THSD7B: variants seen among roughly 807,000 people sequenced by gnomAD.
THSD7B encodes the protein thrombospondin type 1 domain containing 7B.
Under a neutral mutation model 213.6 loss-of-function variants are expected in THSD7B, and 138 were observed. The ratio of observed to expected loss-of-function variants is 0.65; its 90% CI spans 0.56 to 0.74. THSD7B has a LOEUF of 0.74. THSD7B is among the 30% of genes least tolerant of loss of function. THSD7B has a pLI of 0.00. For synonymous variants in THSD7B, 742 were observed against 687.0 expected, an observed-to-expected ratio of 1.08 and a Z score of -1.25; for missense variants, 1,931 against 1,991.5, an observed-to-expected ratio of 0.97 and a Z score of 0.58.
intron 14 of THSD7B, among the ~76,000 whole-genome samples, chr2:137,418,662 G>C (rs1026287579): frequency 6.6e-6 from 1 of 151,860 alleles, no homozygotes; most frequent in Non-Finnish European, 1.5e-5. Context: ...GTATATATTT[G>C]TACCCGTTAA....
intron 12 of THSD7B, among the ~76,000 whole-genome samples, chr2:137,342,498 T>C (rs901268479): frequency 1.2e-4 from 18 of 151,822 alleles, no homozygotes; most frequent in African/African-American, 4.1e-4. Context: ...GTCGATGCCT[T>C]TTATTTATTT....
intron 1 of THSD7B, among the ~76,000 whole-genome samples, chr2:136,815,834 A>G (rs6713261): frequency 0.67 from 101,714 of 151,570 alleles, 34,415 homozygotes; most frequent in East Asian, 0.9. Context: ...TGAAAGTGAG[A>G]ATCTTCTTCC....
Position 137,548,699 on chromosome 2 carries a change from G to C in THSD7B, c.3139-14522G>C, listed in dbSNP as rs573606431. ...GAATTACATTTCAGTTAGTTTGCTTGATTGATTAACAAATCTCCCTTTCAA... is the reference window on the plus strand; with the variant it reads ...GAATTACATTTCAGTTAGTTTGCTTCATTGATTAACAAATCTCCCTTTCAA... On this transcript the variant is annotated intron_variant, in intron 15 of 27. Coordinates refer to ENST00000409968, the MANE Select transcript of THSD7B (RefSeq NM_001316349.2). Among the ~76,000 whole-genome samples the C allele has an allele frequency of 1.2e-4, 19 of 152,074 alleles. 1 individual carries two copies. Among genetic ancestry groups the C allele is most frequent in the African/African-American group, 4.6e-4 (19 of 41,538 alleles).
chr2:137,076,289 G>T (rs956696732), intron 3 of THSD7B, among the ~76,000 whole-genome samples: 8 of 152,242 alleles, frequency 5.3e-5, no homozygotes, highest in Non-Finnish European at 8.8e-5. Context: ...TTCGACAATG[G>T]CGGGCGCCCC....
intron 27 of THSD7B, among the ~76,000 whole-genome samples, chr2:137,670,741 G>T (rs1683546673): frequency 1.3e-5 from 2 of 151,972 alleles, no homozygotes; most frequent in Non-Finnish European, 2.9e-5. Flanking sequence ...CTAACACAGT[G>T]AAACCCCGTC....
chr2:137,567,886 T>C (rs193265726), intron 16 of THSD7B, among the ~76,000 whole-genome samples: 3 of 152,288 alleles, frequency 2.0e-5, no homozygotes, highest in Admixed American at 1.3e-4. Flanking sequence ...CATTAGCTTA[T>C]AAATTTAGTA....
At chr2:137,627,216 C>G (rs893074491) in intron 20 of THSD7B, among the ~76,000 whole-genome samples, 3 of 152,180 alleles carry the variant, frequency 2.0e-5, no homozygotes, top group Admixed American at 2.0e-4. Flanking sequence ...TCACTCTCCC[C>G]CAAGGGAGGG....
intron 2 of THSD7B, among the ~76,000 whole-genome samples, chr2:136,953,017 GA>G (rs979941437): frequency 5.3e-5 from 8 of 152,068 alleles, no homozygotes; most frequent in African/African-American, 1.4e-4. Flanking sequence ...AATTTCTCAG[GA>G]AAAAAATGAA....
rs1558840330 is a variant in THSD7B, at chr2:136,890,492, CCTTT to C, written c.139+8179_139+8182del. ...CTTCTCCTTTCTTCTCCTTTCTTCT[CCTTT>C]CTTCTCCTTTCTTCTTCTTCTTTCT... is the stretch of plus-strand genomic sequence containing the variant. On this transcript the variant is annotated intron_variant, in intron 2 of 27. Coordinates refer to ENST00000409968, the MANE Select transcript of THSD7B (RefSeq NM_001316349.2). 2.3e-3 allele frequency among the ~76,000 whole-genome samples: 2 copies of C among 878 alleles called. 1 individual carries two copies. The highest frequency in any genetic ancestry group is 2.9e-3 in the African/African-American group (2 of 678). 0.6% of individuals were successfully genotyped at this position (878 alleles called of 152,430 possible).
chr2:137,374,303 C>G (rs1685602795), intron 12 of THSD7B, among the ~76,000 whole-genome samples: 1 of 152,162 alleles, frequency 6.6e-6, no homozygotes, highest in Non-Finnish European at 1.5e-5. Flanking sequence ...TTGACTTTCT[C>G]TATTCTGCCT....
chr2:137,041,353 T>C (rs1368521153), intron 2 of THSD7B, among the ~76,000 whole-genome samples: 1 of 152,112 alleles, frequency 6.6e-6, no homozygotes, highest in African/African-American at 2.4e-5. Flanking sequence ...ATTTTGGTCA[T>C]TGAGGTGATA....
chr2:137,525,991 C>A (rs1324649971), intron 15 of THSD7B, among the ~76,000 whole-genome samples: 1 of 152,210 alleles, frequency 6.6e-6, no homozygotes, highest in East Asian at 1.9e-4. Flanking sequence ...GTCTTTGTTT[C>A]CTTGCCATGA....
intron 12 of THSD7B, among the ~76,000 whole-genome samples, chr2:137,283,745 A>G (rs1225405466): frequency 1.3e-5 from 2 of 152,158 alleles, no homozygotes; most frequent in Non-Finnish European, 2.9e-5. Context: ...CCCAGGAATG[A>G]AGCCCACTTG....
At chr2:137,388,523 T>A (rs1401721202) in intron 12 of THSD7B, among the ~76,000 whole-genome samples, 4 of 152,152 alleles carry the variant, frequency 2.6e-5, no homozygotes, top group African/African-American at 7.2e-5. Context: ...CAGAAACATT[T>A]CAAGTCATGT....
rs551155631 is a variant in THSD7B, at chr2:137,637,729, A to C, written c.3800-4759A>C. Among the ~76,000 whole-genome samples the C allele has an allele frequency of 2.0e-5, 3 of 152,302 alleles. No homozygotes were observed. The South Asian group carries it at 6.2e-4, about 32-fold the overall frequency. ...CCAGCAGAACATATCTGTCACCTTA[A>C]TGGAAATAAATAAAATGGTTCTATA... On this transcript the variant is annotated intron_variant, in intron 20 of 27. Coordinates refer to ENST00000409968, the MANE Select transcript of THSD7B (RefSeq NM_001316349.2).
intron 12 of THSD7B, among the ~76,000 whole-genome samples, chr2:137,319,223 CTTTTTTT>C (rs756553883): frequency 7.2e-6 from 1 of 137,972 alleles, no homozygotes; most frequent in African/African-American, 2.7e-5. Flanking sequence ...GTATATATTT[CTTTTTTT>C]TTTTTTTTGA....
chr2:136,965,847 T>C (rs1167551912), intron 2 of THSD7B, among the ~76,000 whole-genome samples: 1 of 152,166 alleles, frequency 6.6e-6, no homozygotes, highest in Non-Finnish European at 1.5e-5. Context: ...GTGCCTGTTA[T>C]GGTATTTCCC....
chr2:137,518,762 C>T (rs534596584), intron 15 of THSD7B, among the ~76,000 whole-genome samples: 12 of 152,290 alleles, frequency 7.9e-5, no homozygotes, highest in Admixed American at 3.9e-4. Flanking sequence ...GGCTCAGCAA[C>T]GTGGACTTCC....
chr2:137,107,706 A>G (rs924913845), intron 4 of THSD7B, among the ~76,000 whole-genome samples: 4 of 152,168 alleles, frequency 2.6e-5, no homozygotes, highest in African/African-American at 4.8e-5. Context: ...GTGCCACTTA[A>G]AGACCTCCTG....
Sources: allele counts gnomAD v4.1 joint callset (sites outside exome capture counted in the v4.1 genomes callset), GRCh38; gene constraint gnomAD v4.1.1; transcripts MANE v1.5; gene names NCBI Gene and HGNC (gene_info 2026-07-23, HGNC 2026-07-21).